The following TEX9 variants were observed in gnomAD, a reference collection of about 807,000 sequenced individuals.
The protein encoded by TEX9 is testis-expressed protein 9.
Under a neutral mutation model 59.6 loss-of-function variants are expected in TEX9, and 74 were observed. The observed-to-expected ratio is 1.24, with a 90% confidence interval of 1.03 to 1.51. The LOEUF is 1.51. Ranked by LOEUF, TEX9 falls within the 40% of genes most tolerant of loss-of-function variation. TEX9 has a pLI of 0.00. For synonymous variants in TEX9, 186 were observed against 152.2 expected (o/e 1.22, Z -1.64); for missense variants, 522 against 447.8 (o/e 1.17, Z -1.49).
In TEX9 at chr15:56,418,511, C is replaced by T. The variant is rs145272727; in HGVS notation, c.963+6075C>T. On this transcript the variant is annotated intron_variant, in intron 10 of 12. Transcript: ENST00000352903. Reference sequence around the variant, plus strand: ...TAAGAATATTGAAAAATTAGCTGGGCGTGGTGGTGGGCGCCTGTAGTCCCA... The same window carrying T: ...TAAGAATATTGAAAAATTAGCTGGGTGTGGTGGTGGGCGCCTGTAGTCCCA... Among the ~76,000 whole-genome samples, 1,423 of 149,038 alleles carry T rather than the reference C, an allele frequency of 9.5e-3. 44 individuals are homozygous for T. Among genetic ancestry groups the T allele is most frequent in the African/African-American group, 0.034 (1,378 of 39,984 alleles).
At chr15:56,339,405 A>AAAAAC (rs2046329505) in intron 1 of TEX9, among the ~76,000 whole-genome samples, 1 of 115,784 alleles carries the variant, frequency 8.6e-6, no homozygotes, top group Admixed American at 9.7e-5. Flanking sequence ...AAAAAAAAAA[A>AAAAAC]AAAAAAAAAC....
intron 2 of TEX9, among the ~76,000 whole-genome samples, chr15:56,372,708 A>T (rs979901588): frequency 2.0e-5 from 3 of 152,220 alleles, no homozygotes; most frequent in Non-Finnish European, 4.4e-5. Context: ...GGAAGGGAAT[A>T]TTAAAAATAA....
intron 3 of TEX9, among the ~76,000 whole-genome samples, chr15:56,379,071 C>CAAAAAAAAAAAAAAAAA (rs199787439): frequency 4.0e-5 from 2 of 50,216 alleles, no homozygotes; most frequent in African/African-American, 1.0e-4. Flanking sequence ...CTCAAAGAAA[C>CAAAAAAAAAAAAAAAAA]AAAAAAAAAA....
intron 9 of TEX9, chr15:56,396,383 T>C (rs2048469612): frequency 6.6e-6 from 1 of 152,144 alleles, no homozygotes; most frequent in South Asian, 2.1e-4. Context: ...TGCAGTAATA[T>C]AACTATCACT....
At chr15:56,284,797 C>T (rs2044907212) in intron 1 of TEX9, among the ~76,000 whole-genome samples, 1 of 152,016 alleles carries the variant, frequency 6.6e-6, no homozygotes, top group South Asian at 2.1e-4. Flanking sequence ...TTTCCAAGTT[C>T]TGATCTTCTC....
chr15:56,440,621 T>G (rs575358841), intron 12 of TEX9, among the ~76,000 whole-genome samples: 2 of 152,268 alleles, frequency 1.3e-5, no homozygotes, highest in South Asian at 4.1e-4. Flanking sequence ...GCCAATGGAA[T>G]GTTACTCAGC....
At chr15:56,432,907 T>G (rs16976904) in intron 12 of TEX9, among the ~76,000 whole-genome samples, 1 of 152,208 alleles carries the variant, frequency 6.6e-6, no homozygotes, top group South Asian at 2.1e-4. Context: ...AATTCTTCTC[T>G]TCCTACCGAT....
At chr15:56,434,105 A>C in intron 12 of TEX9, 1 of 1,595,454 alleles carries the variant, frequency 6.3e-7, no homozygotes, top group Middle Eastern at 1.7e-4. Flanking sequence ...GTTTAATGAT[A>C]ATGACCAAAA....
At chr15:56,429,261 G>A in intron 12 of TEX9, 1 of 995,824 alleles carries the variant, frequency 1.0e-6, no homozygotes, top group South Asian at 1.5e-5. Flanking sequence ...TTTTAAGACT[G>A]ACAGACATAA....
At chr15:56,261,506 TCAGGAGTTCGAGAC>T (rs1410280697) in intron 1 of TEX9, among the ~76,000 whole-genome samples, 1 of 151,804 alleles carries the variant, frequency 6.6e-6, no homozygotes, top group African/African-American at 2.4e-5. Flanking sequence ...TCACTTGAGG[TCAGGAGTTCGAGAC>T]CAGCCTGACC....
At chr15:56,383,667 A>C (rs1338812000) in intron 3 of TEX9, among the ~76,000 whole-genome samples, 2 of 152,238 alleles carry the variant, frequency 1.3e-5, no homozygotes, top group African/African-American at 4.8e-5. Flanking sequence ...ATAAGCTGGA[A>C]GACTCTAAAG....
In TEX9 at chr15:56,300,708, G is replaced by GGGAGAGAGAGAGAGAGAGA. The variant is rs1160272154; in HGVS notation, c.-107+56431_-107+56432insGAGAGAGAGAGAGAGAGAG. On this transcript the variant is annotated intron_variant, in intron 1 of 5. Transcript: ENST00000560827. ...AGCAGAGAGAGAGAGAGAGAGAGAG[G>GGGAGAGAGAGAGAGAGAGA]GAGAGAGAGAGAGAGAGAGAGAGAG... Among the ~76,000 whole-genome samples, 41 of 102,660 alleles carry GGGAGAGAGAGAGAGAGAGA rather than the reference G, an allele frequency of 4.0e-4. 2 individuals carry two copies. The highest frequency in any genetic ancestry group is 1.8e-3 in the East Asian group (5 of 2,736). 67.3% of individuals were successfully genotyped at this position (102,660 alleles called of 152,430 possible).
chr15:56,434,043 GC>G (rs1463028217), intron 12 of TEX9: 1 of 1,305,348 alleles, frequency 7.7e-7, no homozygotes, highest in African/African-American at 1.5e-5. Flanking sequence ...ACATTGTCTG[GC>G]ATATAAAGCT....
At chr15:56,322,849 A>T (rs1596088660) in intron 1 of TEX9, among the ~76,000 whole-genome samples, 1 of 143,064 alleles carries the variant, frequency 7.0e-6, no homozygotes, top group Non-Finnish European at 1.6e-5. Context: ...CAGTAAAAAA[A>T]TATCACATGT....
rs186359083 is a variant in TEX9 at position 56,283,137 on chromosome 15, C to T, written c.-107+38859C>T. ...AATACAACAAAATGTTAACAGTGGT[C>T]CCCAATGAGCAGAATTGAGAGTTTG... On this transcript the variant is annotated intron_variant, in intron 1 of 5. Coordinates refer to the TEX9 transcript ENST00000560827. Among the ~76,000 whole-genome samples, 135 of 151,618 alleles carry T rather than the reference C, an allele frequency of 8.9e-4. 1 individual carries two copies. The highest frequency in any genetic ancestry group is 2.9e-3 in the African/African-American group (119 of 41,332).
intron 1 of TEX9, among the ~76,000 whole-genome samples, chr15:56,310,380 C>T (rs1188487331): frequency 3.3e-5 from 5 of 152,070 alleles, no homozygotes; most frequent in African/African-American, 4.8e-5. Context: ...TATAGTGAGC[C>T]GAGATTGGGC....
At chr15:56,448,198 G>A (rs1422524119), downstream of TEX9, among the ~76,000 whole-genome samples, 2 of 152,152 alleles carry the variant, frequency 1.3e-5, no homozygotes, top group Non-Finnish European at 2.9e-5. Flanking sequence ...GTAGATGCAC[G>A]TTCAGCGTTT....
intron 1 of TEX9, among the ~76,000 whole-genome samples, chr15:56,252,366 CT>C (rs1310905598): frequency 1.5e-5 from 2 of 137,740 alleles, no homozygotes; most frequent in East Asian, 4.6e-4. Context: ...TTGAATTGAG[CT>C]ATTAGAAAAA....
In TEX9 at chr15:56,274,574, G is replaced by C. The variant is rs566153392; in HGVS notation, c.-107+30296G>C. ...TGAATTTGTCTGTCATCCTTGCACA[G>C]GAGCCATGCTAATCTTCTCTGTATC... On this transcript the variant is annotated intron_variant, in intron 1 of 5. Transcript: ENST00000560827. 2.0e-5 allele frequency: 3 copies of C among 152,218 alleles called. No homozygotes were observed. In the South Asian group the frequency reaches 6.2e-4, roughly 32 times the overall value. 9.4% of individuals were successfully genotyped at this position (152,218 alleles called of 1,614,324 possible).
Sources: gnomAD v4.1 joint callset for allele counts (sites outside exome capture counted in the v4.1 genomes callset) on GRCh38, gnomAD v4.1.1 for gene constraint, MANE v1.5 for transcripts, NCBI Gene and HGNC (gene_info 2026-07-23, HGNC 2026-07-21) for gene names.